Variants in UGGT2 observed in about 807,000 individuals in gnomAD.
UGGT2 encodes the protein UDP-glucose glycoprotein glucosyltransferase 2.
UGGT2 carries 180 observed loss-of-function variants against 192.1 expected under a neutral mutation model. The observed-to-expected ratio is 0.94, with a 90% confidence interval of 0.83 to 1.06. The LOEUF (loss-of-function observed/expected upper bound fraction) is 1.06, where lower values mean the gene tolerates loss of function less well. UGGT2 is among the 50% of genes least tolerant of loss of function. UGGT2 has a pLI of 0.00. For synonymous variants in UGGT2, 580 were observed against 591.0 expected, an observed-to-expected ratio of 0.98 and a Z score of 0.27; for missense variants, 1,849 against 1,795.7, an observed-to-expected ratio of 1.03 and a Z score of -0.54.
chr13:96,002,158 C>T (rs1341221635), intron 5 of UGGT2, among the ~76,000 whole-genome samples: 1 of 152,192 alleles, frequency 6.6e-6, no homozygotes, highest in Non-Finnish European at 1.5e-5. Flanking sequence ...GTATCTCCCA[C>T]TCCCGTTCCT....
chr13:96,030,830 T>C (rs1256554127), intron 2 of UGGT2, among the ~76,000 whole-genome samples: 2 of 152,198 alleles, frequency 1.3e-5, no homozygotes, highest in African/African-American at 2.4e-5. Flanking sequence ...TATAGGTATA[T>C]ACTCTCATAT....
Position 95,884,712 on chromosome 13 carries a change from A to G in UGGT2, c.3039-32T>C, listed in dbSNP as rs371667835. 11 of 1,546,752 alleles carry G rather than the reference A, an allele frequency of 7.1e-6. No individual in the cohort carries two copies. The East Asian group carries it at 2.0e-4, about 29-fold the overall frequency. On this transcript the variant is annotated intron_variant, in intron 26 of 38. Transcript: ENST00000376747. Reference sequence around the variant, plus strand: ...ATAAAACATAAAAATACATAATGTGACCAAAACTGAGATTTTTCTTTTAAA... The same window carrying G: ...ATAAAACATAAAAATACATAATGTGGCCAAAACTGAGATTTTTCTTTTAAA...
chr13:95,827,816 A>G (rs998062487), intron 38 of UGGT2, among the ~76,000 whole-genome samples: 1 of 152,112 alleles, frequency 6.6e-6, no homozygotes, highest in African/African-American at 2.4e-5. Flanking sequence ...GTTCTTGTGG[A>G]TGGGATTTCT....
intron 5 of UGGT2, among the ~76,000 whole-genome samples, chr13:96,000,252 T>C (rs75644389): frequency 2.4e-3 from 367 of 152,312 alleles, no homozygotes; most frequent in African/African-American, 8.3e-3. Context: ...AAGGTAGAGA[T>C]TGGAGGGAAG....
chr13:95,967,458 C>T (rs1047468934), intron 12 of UGGT2, among the ~76,000 whole-genome samples: 7 of 141,768 alleles, frequency 4.9e-5, no homozygotes, highest in Admixed American at 2.9e-4. Flanking sequence ...AGCCCCCACG[C>T]GCACCCCCAA....
At chr13:95,959,131 CT>C (rs1477896088) in intron 12 of UGGT2, among the ~76,000 whole-genome samples, 1 of 152,242 alleles carries the variant, frequency 6.6e-6, no homozygotes, top group Non-Finnish European at 1.5e-5. Context: ...TGGGGTCCCA[CT>C]GACATTCCCT....
In UGGT2 at chr13:95,886,556, TA is replaced by T. The variant is rs1174895936; in HGVS notation, c.3038+1335del. 2.6e-5 allele frequency among the ~76,000 whole-genome samples: 4 copies of T among 152,286 alleles called. No homozygotes were observed. In the East Asian group the frequency reaches 5.8e-4, roughly 22 times the overall value. On this transcript the variant is annotated intron_variant, in intron 26 of 38. Transcript: ENST00000376747. Reference sequence around the variant, plus strand: ...CCTTTCAATTAGTAGCTAAAAAATTTAAAGTTTTTGTTCAGATGTAAAAAGG... The same window carrying T: ...CCTTTCAATTAGTAGCTAAAAAATTTAAGTTTTTGTTCAGATGTAAAAAGG...
chr13:95,859,309 T>C (rs955868842), intron 33 of UGGT2, among the ~76,000 whole-genome samples: 4 of 152,136 alleles, frequency 2.6e-5, no homozygotes, highest in Admixed American at 6.5e-5. Flanking sequence ...AAAATCTGTA[T>C]ATATTTTCCA....
chr13:95,928,316 C>T (rs917610601), intron 17 of UGGT2, among the ~76,000 whole-genome samples: 5 of 151,298 alleles, frequency 3.3e-5, no homozygotes, highest in South Asian at 2.1e-4. Flanking sequence ...ACCTCCCCGA[C>T]GGGACGGCTG....
At chr13:95,874,068 T>C (rs1891449831) in intron 29 of UGGT2, among the ~76,000 whole-genome samples, 1 of 152,212 alleles carries the variant, frequency 6.6e-6, no homozygotes, top group Admixed American at 6.5e-5. Context: ...GGCTGGGGGT[T>C]CTCAAAACAG....
intron 36 of UGGT2, among the ~76,000 whole-genome samples, chr13:95,843,258 G>T (rs976973553): frequency 1.4e-4 from 21 of 152,136 alleles, no homozygotes; most frequent in African/African-American, 4.8e-4. Context: ...GCGAATTCTA[G>T]CAGGTATATA....
At chr13:95,934,642 G>T (rs1371878462) in intron 17 of UGGT2, among the ~76,000 whole-genome samples, 1 of 152,124 alleles carries the variant, frequency 6.6e-6, no homozygotes, top group African/African-American at 2.4e-5. Flanking sequence ...CTTTTGAGTA[G>T]CTGGGACTAC....
intron 1 of UGGT2, among the ~76,000 whole-genome samples, chr13:96,044,695 G>C (rs971439889): frequency 6.6e-6 from 1 of 152,084 alleles, no homozygotes; most frequent in Non-Finnish European, 1.5e-5. Context: ...AAATACAAAA[G>C]ATCATTCAAG....
chr13:95,882,599 TCTC>T (rs2047525103), intron 27 of UGGT2, among the ~76,000 whole-genome samples: 1 of 152,208 alleles, frequency 6.6e-6, no homozygotes, highest in African/African-American at 2.4e-5. Flanking sequence ...GAATTTATAA[TCTC>T]CTTTTGTTTA....
chr13:95,982,744 T>C (rs533326978), intron 10 of UGGT2, among the ~76,000 whole-genome samples: 2 of 152,248 alleles, frequency 1.3e-5, no homozygotes, highest in African/African-American at 4.8e-5. Context: ...CAATCCATTC[T>C]GCATGAAGAA....
At chr13:96,020,414 G>T (rs1594587256) in intron 4 of UGGT2, among the ~76,000 whole-genome samples, 1 of 152,278 alleles carries the variant, frequency 6.6e-6, no homozygotes, top group East Asian at 1.9e-4. Flanking sequence ...ATTCTTTGTT[G>T]TTTCTGCTGG....
chr13:95,849,026 C>T (rs1285483328), intron 36 of UGGT2, among the ~76,000 whole-genome samples: 1 of 151,968 alleles, frequency 6.6e-6, no homozygotes, highest in Non-Finnish European at 1.5e-5. Context: ...TATTTTGGTG[C>T]TAATTTAAAT....
chr13:95,845,587 A>G (rs1192661154), intron 36 of UGGT2, among the ~76,000 whole-genome samples: 1 of 151,736 alleles, frequency 6.6e-6, no homozygotes, highest in African/African-American at 2.4e-5. Context: ...CAGACACAGT[A>G]ACAATCTGAT....
chr13:95,896,000 C>T lies in UGGT2; in HGVS notation c.2635-696G>A, dbSNP rs941875636. Among the ~76,000 whole-genome samples, 2 of 152,168 alleles carry T rather than the reference C, an allele frequency of 1.3e-5. 1 individual carries two copies. Among genetic ancestry groups the T allele is most frequent in the South Asian group, 4.1e-4 (2 of 4,828 alleles). ...CAGAATGGCTCTCCCATCACAACCA[C>T]TACTGACTCTACTACCATGAGCACT... On this transcript the variant is annotated intron_variant, in intron 22 of 38. Transcript: ENST00000376747.
Sources: gnomAD v4.1 joint callset for allele counts (sites outside exome capture counted in the v4.1 genomes callset) on GRCh38, gnomAD v4.1.1 for gene constraint, MANE v1.5 for transcripts, NCBI Gene and HGNC (gene_info 2026-07-23, HGNC 2026-07-21) for gene names.